Variants in ANKRD31 observed in about 807,000 individuals in gnomAD.
The protein encoded by ANKRD31 is ankyrin repeat domain 31, also known as ankyrin repeat domain-containing protein 31.
Under a neutral mutation model 186.0 loss-of-function variants are expected in ANKRD31, and 147 were observed. That is an observed-to-expected ratio of 0.79 (90% CI 0.69 to 0.91). ANKRD31 has a LOEUF of 0.91. Ranked by LOEUF, ANKRD31 falls within the 40% of genes least tolerant of loss-of-function variation. ANKRD31 has a pLI of 0.00. For missense variants in ANKRD31, 1,986 were observed against 2,148.8 expected (o/e 0.92, Z 1.50); for synonymous variants, 673 against 736.4 (o/e 0.91, Z 1.39).
chr5:75,115,600 A>T (rs1185237355), intron 19 of ANKRD31, among the ~76,000 whole-genome samples: 3 of 152,026 alleles, frequency 2.0e-5, no homozygotes. Context: ...TGGGCAAAGG[A>T]CATGAACAGA....
chr5:75,108,275 A>G (rs1580342455), intron 20 of ANKRD31, among the ~76,000 whole-genome samples: 1 of 152,010 alleles, frequency 6.6e-6, no homozygotes, highest in East Asian at 1.9e-4. Context: ...TAACATTTAC[A>G]TTGTACTATA....
intron 17 of ANKRD31, among the ~76,000 whole-genome samples, chr5:75,129,728 G>A (rs889731948): frequency 6.6e-6 from 1 of 152,334 alleles, no homozygotes; most frequent in Admixed American, 6.5e-5. Flanking sequence ...CGATGCAGAA[G>A]ATGGTTGATT....
At chr5:75,129,377 C>G (rs1749547597) in intron 17 of ANKRD31, among the ~76,000 whole-genome samples, 1 of 152,060 alleles carries the variant, frequency 6.6e-6, no homozygotes, top group Non-Finnish European at 1.5e-5. Flanking sequence ...TTCTTTTAGC[C>G]AAAAGAAGCC....
chr5:75,225,888 A>G (rs1757595859), intron 2 of ANKRD31, among the ~76,000 whole-genome samples: 1 of 152,196 alleles, frequency 6.6e-6, no homozygotes, highest in African/African-American at 2.4e-5. Flanking sequence ...AAGGCCTTGA[A>G]CAGCATTTCT....
chr5:75,117,954 T>A (rs1341754682), intron 18 of ANKRD31, among the ~76,000 whole-genome samples, 181 bp downstream of exon 18: 1 of 152,094 alleles, frequency 6.6e-6, no homozygotes, highest in Non-Finnish European at 1.5e-5. Flanking sequence ...GATCATATGA[T>A]CTATAAATTA....
chr5:75,099,117 T>C (rs1446003186), intron 22 of ANKRD31, among the ~76,000 whole-genome samples: 1 of 152,174 alleles, frequency 6.6e-6, no homozygotes, highest in African/African-American at 2.4e-5. Context: ...CGATACCTAG[T>C]TTATTGGGAG....
At chr5:75,134,543 G>C (rs1473436148) in intron 17 of ANKRD31, among the ~76,000 whole-genome samples, 1 of 152,128 alleles carries the variant, frequency 6.6e-6, no homozygotes. Flanking sequence ...ACCAAAAAAA[G>C]TCCAGGACCA....
At position 75,091,329 on chromosome 5, in the gene ANKRD31, G is replaced by A. The variant is rs763285153; in HGVS notation, c.5404C>T (p.Pro1802Ser). 6 of 1,536,828 alleles carry A rather than the reference G, an allele frequency of 3.9e-6. No individual in the cohort carries two copies. The highest frequency in any genetic ancestry group is 2.0e-5 in the Admixed American group (1 of 50,952). ...KVESGQIYKN[P>S]VTWLKDLLGG... The stretch of plus-strand genomic sequence containing the variant: ...AGAAGATCCTTGAGCCAGGTGACTG[G>A]GTTTTTATAAATCTGACCACTTTCT... Residue 1802 changes from proline (P) to serine (S), a missense_variant, in exon 23 of 26, where the codon CCA (proline) becomes TCA (serine). Pro to Ser is a moderately conservative substitution (Grantham distance 74). Coordinates refer to ENST00000506364, the MANE Select transcript of ANKRD31 (RefSeq NM_001372053.1).
chr5:75,106,220 A>G (rs759357748), intron 21 of ANKRD31, among the ~76,000 whole-genome samples: 2 of 152,118 alleles, frequency 1.3e-5, no homozygotes, highest in Non-Finnish European at 2.9e-5. Flanking sequence ...GAGCAATAAC[A>G]TCTTACTATT....
chr5:75,134,799 C>T (rs1750418695), intron 17 of ANKRD31, among the ~76,000 whole-genome samples: 1 of 152,150 alleles, frequency 6.6e-6, no homozygotes, highest in Admixed American at 6.5e-5. Flanking sequence ...TCCAGTAGCA[C>T]ATCAAAAAGC....
chr5:75,144,131 A>G lies in ANKRD31; in HGVS notation c.3465T>C (p.Thr1155=), dbSNP rs559991218. 60 of 397,460 alleles carry G rather than the reference A, an allele frequency of 1.5e-4. No individual in the cohort carries two copies. The highest frequency in any genetic ancestry group is 1.2e-3 in the African/African-American group (58 of 48,702). 24.6% of individuals were successfully genotyped at this position (397,460 alleles called of 1,614,324 possible). A position where few individuals can be genotyped will look rare whatever the true frequency, so the allele number is the denominator to read the frequency against. Residue 1155 remains threonine, a synonymous_variant, in exon 15 of 26, where the codon ACT becomes ACC. Coordinates refer to ENST00000506364, the MANE Select transcript of ANKRD31 (RefSeq NM_001372053.1). ...CTTTTATCTCCTCACAATTTCTTATAGTTATTTCATCTCCACTGATGTTAT... is the reference window on the plus strand; with the variant it reads ...CTTTTATCTCCTCACAATTTCTTATGGTTATTTCATCTCCACTGATGTTAT... ...LTNNISGDEI[T]IRNCEEIKEK...
chr5:75,161,116 G>A (rs1213415718), intron 11 of ANKRD31, among the ~76,000 whole-genome samples: 1 of 152,180 alleles, frequency 6.6e-6, no homozygotes, highest in Admixed American at 6.5e-5. Flanking sequence ...TGGCTAACAG[G>A]CAGAGGGTGG....
At chr5:75,098,063 C>T (rs768245582) in intron 22 of ANKRD31, among the ~76,000 whole-genome samples, 11 of 151,746 alleles carry the variant, frequency 7.2e-5, no homozygotes, top group Non-Finnish European at 1.5e-4. Context: ...CTCACTGTGT[C>T]GCCCAGGCTG....
intron 9 of ANKRD31, among the ~76,000 whole-genome samples, chr5:75,190,604 T>C (rs1303192668): frequency 2.0e-5 from 2 of 102,248 alleles, no homozygotes; most frequent in East Asian, 4.8e-4. Flanking sequence ...GAGGTGCTTA[T>C]ATATGTGTGT....
At chr5:75,076,317 T>C (rs950011014) in intron 25 of ANKRD31, among the ~76,000 whole-genome samples, 10 of 152,180 alleles carry the variant, frequency 6.6e-5, no homozygotes, top group African/African-American at 2.4e-4. Flanking sequence ...GTCTACAAAT[T>C]AGAGGGTTTC....
At chr5:75,124,063 T>C (rs1158978038) in intron 17 of ANKRD31, among the ~76,000 whole-genome samples, 1 of 151,876 alleles carries the variant, frequency 6.6e-6, no homozygotes, top group Non-Finnish European at 1.5e-5. Context: ...AATTTACAAG[T>C]AACTCAAACA....
chr5:75,118,274 AT>A lies in ANKRD31; in HGVS notation c.3899del (p.Asn1300MetfsTer24). 6.6e-7 allele frequency: 1 copy of A among 1,506,230 alleles called. No homozygotes were observed. 93.3% of individuals were successfully genotyped at this position (1,506,230 alleles called of 1,614,324 possible). On this transcript the variant is annotated frameshift_variant, in exon 18 of 26. Coordinates refer to ENST00000506364, the MANE Select transcript of ANKRD31 (RefSeq NM_001372053.1). LOFTEE classifies it high-confidence loss of function. ...GATCTTTTTGATTAGGGTTTGCTCC[AT>A]TTTGTAGTAGAATCTCAGCTGCCTA... ...HLKAAEILLQ[N>X]GANPNQKDQK...
Position 75,144,132 on chromosome 5 carries a change from G to A in ANKRD31, c.3464C>T (p.Thr1155Ile), listed in dbSNP as rs1186027556. Residue 1155 changes from threonine to isoleucine, a missense_variant, in exon 15 of 26, where the codon ACT becomes ATT. Thr to Ile is a moderately conservative substitution (Grantham distance 89, BLOSUM62 -1). Transcript: ENST00000506364. ...TTTTATCTCCTCACAATTTCTTATA[G>A]TTATTTCATCTCCACTGATGTTATT... ...LTNNISGDEITIRNCEEIKEK... is the reference protein window; with the variant it reads ...LTNNISGDEIIIRNCEEIKEK... The A allele has an allele frequency of 7.6e-6, 3 of 397,194 alleles. No homozygotes were observed. The highest frequency in any genetic ancestry group is 1.3e-5 in the Non-Finnish European group (3 of 225,272). 24.6% of individuals were successfully genotyped at this position (397,194 alleles called of 1,614,324 possible). A position where few individuals can be genotyped will look rare whatever the true frequency, so the allele number is the denominator to read the frequency against.
intron 22 of ANKRD31, among the ~76,000 whole-genome samples, chr5:75,099,422 G>C (rs139927802): frequency 0.17 from 26,353 of 152,114 alleles, 2,773 homozygotes; most frequent in East Asian, 0.3. Context: ...CCAGGCTTTG[G>C]TATCAGGATG....
Sources: gnomAD v4.1 joint callset for allele counts (sites outside exome capture counted in the v4.1 genomes callset) on GRCh38, gnomAD v4.1.1 for gene constraint, MANE v1.5 for transcripts, NCBI Gene and HGNC (gene_info 2026-07-23, HGNC 2026-07-21) for gene names.